MARVELD2: variants seen among roughly 807,000 people sequenced by gnomAD.
MARVELD2 encodes the protein MARVEL domain containing 2.
Under a neutral mutation model 57.6 loss-of-function variants are expected in MARVELD2, and 49 were observed. That is an observed-to-expected ratio of 0.85 (90% CI 0.68 to 1.08). The LOEUF is 1.08. Ranked by LOEUF, MARVELD2 falls within the 50% of genes least tolerant of loss-of-function variation. The pLI is 0.00. For synonymous variants in MARVELD2, 238 were observed against 258.8 expected, an observed-to-expected ratio of 0.92 and a Z score of 0.77; for missense variants, 606 against 701.1, an observed-to-expected ratio of 0.86 and a Z score of 1.53.
At chr5:69,438,660 G>T (rs1051572055) in intron 5 of MARVELD2, among the ~76,000 whole-genome samples, 3 of 152,092 alleles carry the variant, frequency 2.0e-5, no homozygotes, top group Non-Finnish European at 4.4e-5. Context: ...GCCGAGGTGG[G>T]TGAATCACAA....
Position 69,433,081 on chromosome 5 carries a change from G to C in MARVELD2, c.1491G>C (p.Ser497=), listed in dbSNP as rs149176039. ...DAVMSRLPHH[S]ESRQEHERIS... is the part of the protein sequence containing the mutation. The stretch of plus-strand genomic sequence containing the variant: ...TGATGAGCAGATTGCCACATCATTC[G>C]GAAAGCCGACAGGTTAGTATGTGCA... Residue 497 remains serine (S), a synonymous_variant, in exon 5 of 7, where the codon TCG becomes TCC. Transcript: ENST00000325631. 5.0e-6 allele frequency: 8 copies of C among 1,613,604 alleles called. No homozygotes were observed. The Admixed American group carries it at 8.3e-5, about 17-fold the overall frequency.
intron 2 of MARVELD2, among the ~76,000 whole-genome samples, chr5:69,422,158 ATTGT>A (rs1369331805): frequency 2.0e-5 from 3 of 152,090 alleles, no homozygotes; most frequent in East Asian, 1.9e-4. Context: ...AACTGCACAA[ATTGT>A]TTGTAGAGCA....
At chr5:69,417,837 G>A (rs1057448942) in intron 1 of MARVELD2, among the ~76,000 whole-genome samples, 1 of 151,910 alleles carries the variant, frequency 6.6e-6, no homozygotes, top group African/African-American at 2.4e-5. Context: ...TACTTGGGAG[G>A]CTGAGGCAGG....
intron 3 of MARVELD2, 126 bp from the exon 4 acceptor site, chr5:69,432,401 A>G: frequency 9.5e-7 from 1 of 1,048,038 alleles, no homozygotes; most frequent in Non-Finnish European, 1.4e-6. Flanking sequence ...TTGTCCTCCC[A>G]AAGTGCTAGG....
In MARVELD2 at chr5:69,424,116, C is replaced by T. The variant is rs529538989; in HGVS notation, c.1147-485C>T. On this transcript the variant is annotated intron_variant, in intron 2 of 6. Coordinates refer to ENST00000325631, the MANE Select transcript of MARVELD2 (RefSeq NM_001038603.3). ...ATACTTTTATTTCTTTTTCCTTTCT[C>T]AACAAAAACTTATGTCTATGAGACT... 7.2e-5 allele frequency among the ~76,000 whole-genome samples: 11 copies of T among 152,180 alleles called. 1 individual carries two copies. The highest frequency in any genetic ancestry group is 5.9e-4 in the Admixed American group (9 of 15,272).
At chr5:69,416,114 A>G (rs1766406205) in intron 1 of MARVELD2, among the ~76,000 whole-genome samples, 1 of 152,224 alleles carries the variant, frequency 6.6e-6, no homozygotes, top group Admixed American at 6.5e-5. Flanking sequence ...ATTACAGTGA[A>G]TCGTATTTTT....
intron 1 of MARVELD2, among the ~76,000 whole-genome samples, chr5:69,416,381 G>A (rs1019507673): frequency 6.6e-5 from 10 of 152,240 alleles, no homozygotes; most frequent in African/African-American, 2.4e-4. Context: ...TAAGGTCGGA[G>A]TGCCCTATTA....
chr5:69,424,068 A>G (rs1367999963), intron 2 of MARVELD2, among the ~76,000 whole-genome samples: 1 of 152,206 alleles, frequency 6.6e-6, no homozygotes, highest in African/African-American at 2.4e-5. Context: ...TAAAAATTCT[A>G]TATGAATAGA....
intron 3 of MARVELD2, among the ~76,000 whole-genome samples, chr5:69,431,176 G>A (rs779281195): frequency 9.7e-4 from 146 of 150,272 alleles, no homozygotes; most frequent in Non-Finnish European, 1.3e-3. Flanking sequence ...GTGCAGTGGC[G>A]TGATCTTGGC....
intron 3 of MARVELD2, among the ~76,000 whole-genome samples, chr5:69,425,935 A>G (rs1270310410): frequency 6.6e-6 from 1 of 151,692 alleles, no homozygotes; most frequent in African/African-American, 2.4e-5. Flanking sequence ...TCACCATGTT[A>G]GCTAGTTTCA....
At chr5:69,439,133 C>T (rs1488149745) in intron 5 of MARVELD2, among the ~76,000 whole-genome samples, 1 of 148,938 alleles carries the variant, frequency 6.7e-6, no homozygotes, top group South Asian at 2.1e-4. Context: ...AGAAAAAGTT[C>T]TCAGGCCAAG....
In MARVELD2 at chr5:69,432,985, G is replaced by C; in HGVS notation, c.1395G>C (p.Gln465His). Residue 465 changes from glutamine to histidine, a missense_variant, in exon 5 of 7, where the codon CAG becomes CAC. By Grantham distance (24) the Gln-to-His change is conservative. Transcript: ENST00000325631. ...RERYKAVFQDQFSEYKELSAE... is the reference protein window; with the variant it reads ...RERYKAVFQDHFSEYKELSAE... Reference sequence around the variant, plus strand: ...GCTATAAAGCTGTGTTCCAAGACCAGTTTTCAGAGTACAAAGAGCTGTCTG... The same window carrying C: ...GCTATAAAGCTGTGTTCCAAGACCACTTTTCAGAGTACAAAGAGCTGTCTG... 1 of 1,614,164 alleles carries C rather than the reference G, an allele frequency of 6.2e-7. No homozygotes were observed. Among genetic ancestry groups the C allele is most frequent in the Non-Finnish European group, 8.5e-7 (1 of 1,180,028 alleles).
At chr5:69,434,389 G>A (rs1194397436) in intron 5 of MARVELD2, among the ~76,000 whole-genome samples, 1 of 151,824 alleles carries the variant, frequency 6.6e-6, no homozygotes, top group Non-Finnish European at 1.5e-5. Context: ...AACCCAGGAG[G>A]TGGAGTTTGC....
chr5:69,428,841 C>A (rs1015680382), intron 3 of MARVELD2, among the ~76,000 whole-genome samples: 2 of 151,810 alleles, frequency 1.3e-5, no homozygotes, highest in Non-Finnish European at 2.9e-5. Flanking sequence ...AACCATGTGT[C>A]CATATGGGGG....
chr5:69,442,249 G>C lies in MARVELD2; in HGVS notation c.*595G>C, dbSNP rs1262745663. ...TACTTTTTCCTTTTTTACTCAGGCA[G>C]GTTCCTAGGATTTTTCTGGGACAAA... is the stretch of plus-strand genomic sequence containing the variant. On this transcript the variant is annotated 3_prime_UTR_variant, in exon 7 of 7. Transcript: ENST00000325631. The C allele has an allele frequency of 6.6e-6, 1 of 152,112 alleles. No individual in the cohort carries two copies. The highest frequency in any genetic ancestry group is 6.6e-5 in the Admixed American group (1 of 15,262). 9.4% of individuals were successfully genotyped at this position (152,112 alleles called of 1,614,324 possible).
chr5:69,442,333 G>C lies in MARVELD2; in HGVS notation c.*679G>C, dbSNP rs1206018119. 6.6e-6 allele frequency: 1 copy of C among 152,042 alleles called. No individual in the cohort carries two copies. The highest frequency in any genetic ancestry group is 1.5e-5 in the Non-Finnish European group (1 of 68,004). The allele number at this position is 152,042 out of a possible 1,614,324, so 9.4% of individuals were successfully genotyped here. On this transcript the variant is annotated 3_prime_UTR_variant, in exon 7 of 7. Coordinates refer to ENST00000325631, the MANE Select transcript of MARVELD2 (RefSeq NM_001038603.3). ...TAAAGGATTTTTCTAAGGGAAAAAG[G>C]GTGACATCTTTCAAAGGTGTCATTT...
rs746378134 is a variant in MARVELD2, at chr5:69,420,184, A to G, written c.799A>G (p.Thr267Ala). 1 of 1,613,930 alleles carries G rather than the reference A, an allele frequency of 6.2e-7. No individual in the cohort carries two copies. ...LVVAGLAWIT[T>A]IIILVLGMSM... is the part of the protein sequence containing the mutation. ...GGTTGCTGGATTAGCTTGGATCACC[A>G]CCATTATTATTCTGGTTCTTGGCAT... is the stretch of plus-strand genomic sequence containing the variant. The change falls in exon 2 of 7, where the codon ACC becomes GCC. Residue 267 changes from threonine (T) to alanine (A), a missense_variant. Transcript: ENST00000325631.
chr5:69,431,313 C>T (rs183811509), intron 3 of MARVELD2, among the ~76,000 whole-genome samples: 193 of 152,042 alleles, frequency 1.3e-3, no homozygotes, highest in African/African-American at 4.6e-3. Context: ...CAGGGTTTCA[C>T]CATGCTGGCC....
chr5:69,429,346 A>G (rs1313809618), intron 3 of MARVELD2, among the ~76,000 whole-genome samples: 1 of 152,182 alleles, frequency 6.6e-6, no homozygotes, highest in Non-Finnish European at 1.5e-5. Flanking sequence ...TCAGGAAACA[A>G]AGGATTTTTA....
Sources: allele counts gnomAD v4.1 joint callset (sites outside exome capture counted in the v4.1 genomes callset), GRCh38; gene constraint gnomAD v4.1.1; transcripts MANE v1.5; gene names NCBI Gene and HGNC (gene_info 2026-07-23, HGNC 2026-07-21).